CSMD3: variants seen among roughly 807,000 people sequenced by gnomAD.
CSMD3 encodes the protein CUB and sushi domain-containing protein 3.
A neutral mutation model predicts 435.2 loss-of-function variants in CSMD3; 177 were observed. That is an observed-to-expected ratio of 0.41 (90% CI 0.36 to 0.46). The LOEUF (loss-of-function observed/expected upper bound fraction) is 0.46, where lower values mean the gene tolerates loss of function less well. CSMD3 is among the 20% of genes least tolerant of loss of function. The pLI, the probability that CSMD3 is intolerant of heterozygous loss-of-function variation, is 0.34. For synonymous variants in CSMD3, 1,656 were observed against 1,520.5 expected, an observed-to-expected ratio of 1.09 and a Z score of -2.07; for missense variants, 4,265 against 4,504.6, an observed-to-expected ratio of 0.95 and a Z score of 1.52.
At chr8:112,816,339 A>G (rs1587378596) in intron 12 of CSMD3, among the ~76,000 whole-genome samples, 1 of 152,138 alleles carries the variant, frequency 6.6e-6, no homozygotes, top group East Asian at 1.9e-4. Flanking sequence ...AGGGTGCAAG[A>G]TAGAGAAAAC....
rs189779306 is a variant in CSMD3, at chr8:113,354,162, A to G, written c.179-39369T>C. ...AGTCAGGACTTACTGTGTCAAAGAG[A>G]GAGAAAGTGTGCCCTTGACTTCTAC... On this transcript the variant is annotated intron_variant, in intron 1 of 70. Coordinates refer to ENST00000297405, the MANE Select transcript of CSMD3 (RefSeq NM_198123.2). Among the ~76,000 whole-genome samples the G allele has an allele frequency of 9.2e-5, 14 of 152,280 alleles. No homozygotes were observed. In the East Asian group the frequency reaches 2.5e-3, roughly 27 times the overall value.
chr8:112,352,518 G>C lies in CSMD3; in HGVS notation c.6153C>G (p.Ser2051=), dbSNP rs2131063981. 6.2e-7 allele frequency: 1 copy of C among 1,613,086 alleles called. No homozygotes were observed. Among genetic ancestry groups the C allele is most frequent in the South Asian group, 1.1e-5 (1 of 91,058 alleles). ...TGCTAGGAGTTTGTGGTTCAGGACA[G>C]GAATCCAAACCAATTGCTAAGAATA... ...HLEYTAIGLD[S]CPEPQTPSSG... Residue 2051 remains serine, a synonymous_variant, in exon 39 of 71, where the codon TCC becomes TCG. Transcript: ENST00000297405.
chr8:113,241,562 T>C lies in CSMD3; in HGVS notation c.514+37030A>G, dbSNP rs2093217820. Among the ~76,000 whole-genome samples, 3 of 151,686 alleles carry C rather than the reference T, an allele frequency of 2.0e-5. No homozygotes were observed. In the South Asian group the frequency reaches 6.2e-4, roughly 31 times the overall value. On this transcript the variant is annotated intron_variant, in intron 3 of 70. Coordinates refer to ENST00000297405, the MANE Select transcript of CSMD3 (RefSeq NM_198123.2). ...TCATCCTGATGAGTTCTTCAAATGCTATTTGTAAATTCTATGTATTTGGAT... is the reference window on the plus strand; with the variant it reads ...TCATCCTGATGAGTTCTTCAAATGCCATTTGTAAATTCTATGTATTTGGAT...
Position 112,995,503 on chromosome 8 carries a change from C to T in CSMD3, c.1031-19355G>A, listed in dbSNP as rs1320319484. On this transcript the variant is annotated intron_variant, in intron 6 of 70. Coordinates refer to ENST00000297405, the MANE Select transcript of CSMD3 (RefSeq NM_198123.2). ...ACGTTTCGCACCAGTTAGCTCTTAT[C>T]TCTTATTTCTAATTCTAAGTCTTAC... Among the ~76,000 whole-genome samples, 3 of 151,320 alleles carry T rather than the reference C, an allele frequency of 2.0e-5. 1 individual carries two copies. Among genetic ancestry groups the T allele is most frequent in the Non-Finnish European group, 4.4e-5 (3 of 67,584 alleles).
chr8:112,287,322 G>A (rs1437940563), intron 57 of CSMD3, 76 bp from the exon 58 acceptor site: 9 of 1,428,948 alleles, frequency 6.3e-6, no homozygotes, highest in Non-Finnish European at 8.9e-6. Context: ...CAAGGGCCTG[G>A]TAGGCATTTG....
intron 23 of CSMD3, among the ~76,000 whole-genome samples, chr8:112,584,272 A>G (rs938855803): frequency 6.6e-6 from 1 of 151,764 alleles, no homozygotes; most frequent in African/African-American, 2.4e-5. Flanking sequence ...TAAAAATCCA[A>G]ATTCCCACAT....
intron 45 of CSMD3, among the ~76,000 whole-genome samples, chr8:112,321,374 A>G (rs1383705214): frequency 6.6e-6 from 1 of 152,150 alleles, no homozygotes; most frequent in Admixed American, 6.6e-5. Flanking sequence ...GGGAGTATTG[A>G]AAAGCATCAA....
chr8:112,839,493 A>G (rs1252660254), intron 11 of CSMD3, among the ~76,000 whole-genome samples: 1 of 151,836 alleles, frequency 6.6e-6, no homozygotes, highest in Non-Finnish European at 1.5e-5. Context: ...CATAATACAT[A>G]TAAATGATCA....
intron 13 of CSMD3, among the ~76,000 whole-genome samples, chr8:112,747,103 T>G (rs1408705013): frequency 6.6e-6 from 1 of 150,760 alleles, no homozygotes; most frequent in Admixed American, 6.6e-5. Context: ...TACTCTTTCC[T>G]CTAGTTCATT....
intron 3 of CSMD3, among the ~76,000 whole-genome samples, chr8:113,269,045 T>C (rs2093496554): frequency 6.6e-6 from 1 of 152,070 alleles, no homozygotes; most frequent in Non-Finnish European, 1.5e-5. Context: ...AATATAAATG[T>C]CAAAATGGTT....
intron 32 of CSMD3, among the ~76,000 whole-genome samples, chr8:112,432,236 G>C (rs1489742293): frequency 2.6e-5 from 4 of 152,220 alleles, no homozygotes; most frequent in African/African-American, 9.6e-5. Context: ...ATGTTGTATT[G>C]TTCTTCACTA....
At chr8:112,782,698 G>C (rs1436480283) in intron 13 of CSMD3, among the ~76,000 whole-genome samples, 1 of 151,890 alleles carries the variant, frequency 6.6e-6, no homozygotes, top group Admixed American at 6.6e-5. Context: ...ACAGCAGAAA[G>C]AGAAAAGAAA....
chr8:113,097,739 T>C (rs2131541727), intron 5 of CSMD3, among the ~76,000 whole-genome samples: 1 of 152,078 alleles, frequency 6.6e-6, no homozygotes, highest in East Asian at 1.9e-4. Context: ...ATTTACAGGG[T>C]TCTCATTCCA....
chr8:112,515,352 T>C (rs966236708), intron 28 of CSMD3, among the ~76,000 whole-genome samples: 15 of 152,116 alleles, frequency 9.9e-5, no homozygotes, highest in Non-Finnish European at 1.9e-4. Flanking sequence ...AATATGCTCT[T>C]CATGAGATAT....
intron 2 of CSMD3, among the ~76,000 whole-genome samples, chr8:113,302,024 T>C (rs1349968043): frequency 1.3e-5 from 2 of 151,340 alleles, no homozygotes; most frequent in Non-Finnish European, 2.9e-5. Context: ...AATAAATTTA[T>C]CTGATTTTAT....
chr8:112,933,171 T>C (rs1466837520), intron 9 of CSMD3, among the ~76,000 whole-genome samples: 1 of 152,062 alleles, frequency 6.6e-6, no homozygotes, highest in Admixed American at 6.6e-5. Context: ...AGAATAGATA[T>C]GGTGCTAAAA....
At chr8:113,358,542 C>T (rs1028517214) in intron 1 of CSMD3, among the ~76,000 whole-genome samples, 2 of 151,964 alleles carry the variant, frequency 1.3e-5, no homozygotes, top group African/African-American at 4.8e-5. Flanking sequence ...TAGTACAGAC[C>T]AGGTTTCACC....
intron 12 of CSMD3, among the ~76,000 whole-genome samples, chr8:112,812,955 T>C (rs906324869): frequency 6.6e-6 from 1 of 152,174 alleles, no homozygotes; most frequent in Non-Finnish European, 1.5e-5. Flanking sequence ...CTTAGCCCAC[T>C]TCAAAAGTTC....
At chr8:112,550,205 C>A (rs1437427185) in intron 27 of CSMD3, among the ~76,000 whole-genome samples, 2 of 152,026 alleles carry the variant, frequency 1.3e-5, no homozygotes, top group Admixed American at 1.3e-4. Flanking sequence ...TAAAAGCCAT[C>A]TGAAATATTT....
Sources: allele counts gnomAD v4.1 joint callset (sites outside exome capture counted in the v4.1 genomes callset), GRCh38; gene constraint gnomAD v4.1.1; transcripts MANE v1.5; gene names NCBI Gene and HGNC (gene_info 2026-07-23, HGNC 2026-07-21).